Variants in ALDH8A1 observed in about 807,000 individuals in gnomAD.
The protein encoded by ALDH8A1 is 2-aminomuconic semialdehyde dehydrogenase.
Under a neutral mutation model 43.3 loss-of-function variants are expected in ALDH8A1, and 39 were observed. The observed-to-expected ratio is 0.90, with a 90% CI of 0.70 to 1.18. The LOEUF (loss-of-function observed/expected upper bound fraction) is 1.18, where lower values mean the gene tolerates loss of function less well. ALDH8A1 is among the 50% of genes most tolerant of loss of function. The probability of loss-of-function intolerance (pLI) is 0.00; values close to 1 mark genes in which losing one functional copy is unlikely to be tolerated. For missense variants in ALDH8A1, 605 were observed against 622.6 expected (o/e 0.97, Z 0.30); for synonymous variants, 233 against 243.5 (o/e 0.96, Z 0.40).
chr6:134,932,863 C>A lies in ALDH8A1; in HGVS notation c.762G>T (p.Leu254=). 6.2e-7 allele frequency: 1 copy of A among 1,614,232 alleles called. No individual in the cohort carries two copies. Among genetic ancestry groups the A allele is most frequent in the East Asian group, 2.2e-5 (1 of 44,880 alleles). The part of the protein sequence containing the change: ...APHCKKLSLE[L]GGKNPAIIFE... Reference sequence around the variant, plus strand: ...AGATGATGGCAGGATTCTTGCCCCCCAGCTCCAGGGAGAGCTTTTTGCAGT... The same window carrying A: ...AGATGATGGCAGGATTCTTGCCCCCAAGCTCCAGGGAGAGCTTTTTGCAGT... Residue 254 remains leucine, a synonymous_variant, in exon 5 of 7, where the codon CTG becomes CTT. Transcript: ENST00000265605.
chr6:134,929,841 A>C (rs1020942512), intron 5 of ALDH8A1, among the ~76,000 whole-genome samples: 7 of 152,230 alleles, frequency 4.6e-5, no homozygotes, highest in African/African-American at 1.7e-4. Context: ...TTTAAGCATC[A>C]GAACGATATG....
intron 5 of ALDH8A1, among the ~76,000 whole-genome samples, chr6:134,932,513 A>G (rs1777001539): frequency 6.6e-6 from 1 of 152,190 alleles, no homozygotes; most frequent in African/African-American, 2.4e-5. Flanking sequence ...AGCAACATCA[A>G]TCATTCCACC....
At chr6:134,928,335 A>C (rs563207222) in intron 6 of ALDH8A1, among the ~76,000 whole-genome samples, 2 of 152,288 alleles carry the variant, frequency 1.3e-5, no homozygotes, top group African/African-American at 4.8e-5. Flanking sequence ...ATATAGACAA[A>C]GTGGGAGTGC....
Position 134,939,160 on chromosome 6 carries a change from G to T in ALDH8A1, c.592+106C>A, listed in dbSNP as rs1346176955. 1.3e-5 allele frequency: 20 copies of T among 1,500,404 alleles called. No homozygotes were observed. The East Asian group carries it at 4.6e-4, about 34-fold the overall frequency. 92.9% of individuals were successfully genotyped at this position (1,500,404 alleles called of 1,614,324 possible). ...CCCAGACAAGGATCAGAAAGACAAAGCCCATGATGTCACTGGAATCGATTG... is the reference window on the plus strand; with the variant it reads ...CCCAGACAAGGATCAGAAAGACAAATCCCATGATGTCACTGGAATCGATTG... On this transcript the variant is annotated intron_variant, in intron 4 of 6. Coordinates refer to ENST00000265605, the MANE Select transcript of ALDH8A1 (RefSeq NM_022568.4).
Position 134,918,129 on chromosome 6 carries a change from A to C in ALDH8A1, c.*286T>G, listed in dbSNP as rs557615351. The C allele has an allele frequency of 2.3e-4, 95 of 406,750 alleles. No individual in the cohort carries two copies. Among genetic ancestry groups the C allele is most frequent in the Non-Finnish European group, 3.8e-4 (86 of 228,016 alleles). 25.2% of individuals were successfully genotyped at this position (406,750 alleles called of 1,614,324 possible). A position where few individuals can be genotyped will look rare whatever the true frequency, so the allele number is the denominator to read the frequency against. ...CTGGAGATTCCCAAGAGTTCAATGA[A>C]GATGATGAAAGAAACACTATGAAAA... On this transcript the variant is annotated 3_prime_UTR_variant, in exon 7 of 7. Transcript: ENST00000265605.
At chr6:134,938,201 TC>T (rs762981217) in intron 4 of ALDH8A1, among the ~76,000 whole-genome samples, 11 of 152,018 alleles carry the variant, frequency 7.2e-5, no homozygotes, top group Non-Finnish European at 1.6e-4. Context: ...TGAGTCTGTC[TC>T]CCCCACCCAG....
At chr6:134,925,848 A>C (rs1176879128) in intron 6 of ALDH8A1, among the ~76,000 whole-genome samples, 1 of 152,202 alleles carries the variant, frequency 6.6e-6, no homozygotes, top group Non-Finnish European at 1.5e-5. Context: ...ATCTACTCTC[A>C]GAAGGGGAAG....
intron 1 of ALDH8A1, among the ~76,000 whole-genome samples, chr6:134,946,185 A>G (rs921798781): frequency 6.6e-6 from 1 of 152,212 alleles, no homozygotes; most frequent in Non-Finnish European, 1.5e-5. Context: ...GTAAGGTATA[A>G]AATGATTCTC....
intron 1 of ALDH8A1, among the ~76,000 whole-genome samples, chr6:134,947,239 TTAGA>T (rs1773969623): frequency 6.6e-6 from 1 of 152,110 alleles, no homozygotes; most frequent in Middle Eastern, 3.4e-3. Context: ...GATTAAAGAC[TTAGA>T]TAGATGTAAG....
chr6:134,939,826 A>T (rs1773821087), intron 3 of ALDH8A1, among the ~76,000 whole-genome samples: 1 of 152,226 alleles, frequency 6.6e-6, no homozygotes, highest in Admixed American at 6.5e-5. Flanking sequence ...ATCAACTCAA[A>T]TGCTCATCAA....
chr6:134,939,031 C>T (rs183359693), intron 4 of ALDH8A1, among the ~76,000 whole-genome samples: 106 of 152,246 alleles, frequency 7.0e-4, no homozygotes, highest in Non-Finnish European at 1.2e-3. Flanking sequence ...CACTATTGTG[C>T]TGCCAGTCGC....
chr6:134,932,641 A>C, intron 5 of ALDH8A1, 135 bp downstream of exon 5: 2 of 1,268,064 alleles, frequency 1.6e-6, no homozygotes, highest in Non-Finnish European at 2.2e-6. Flanking sequence ...TAAGGGAATC[A>C]CACAATGTAC....
intron 6 of ALDH8A1, among the ~76,000 whole-genome samples, chr6:134,928,707 T>C (rs1776927262): frequency 6.6e-6 from 1 of 152,232 alleles, no homozygotes; most frequent in South Asian, 2.1e-4. Flanking sequence ...GGCAGGCCTT[T>C]TCCAAAGAGA....
intron 6 of ALDH8A1, among the ~76,000 whole-genome samples, chr6:134,927,845 A>G (rs1248241796): frequency 1.3e-5 from 2 of 152,078 alleles, no homozygotes; most frequent in African/African-American, 4.8e-5. Flanking sequence ...AGACATTTGC[A>G]GGTGTGGGCA....
chr6:134,945,804 C>A (rs990373800), intron 1 of ALDH8A1, among the ~76,000 whole-genome samples: 23 of 152,118 alleles, frequency 1.5e-4, no homozygotes, highest in African/African-American at 5.3e-4. Flanking sequence ...TCCTTCATTT[C>A]CCTCATGCAA....
chr6:134,935,074 T>G (rs1773706084), intron 4 of ALDH8A1, among the ~76,000 whole-genome samples: 1 of 152,204 alleles, frequency 6.6e-6, no homozygotes, highest in Admixed American at 6.5e-5. Flanking sequence ...TCCAAGTACT[T>G]GTTCTCCGCT....
intron 6 of ALDH8A1, among the ~76,000 whole-genome samples, chr6:134,919,952 G>A: frequency 6.6e-6 from 1 of 152,180 alleles, no homozygotes; most frequent in East Asian, 1.9e-4. Context: ...TCTGTCACCT[G>A]GGCTGCAATG....
At chr6:134,931,333 G>C (rs1048641957) in intron 5 of ALDH8A1, among the ~76,000 whole-genome samples, 1 of 151,976 alleles carries the variant, frequency 6.6e-6, no homozygotes, top group Non-Finnish European at 1.5e-5. Context: ...GTGCTAACTC[G>C]GCACACTGCA....
intron 4 of ALDH8A1, among the ~76,000 whole-genome samples, chr6:134,936,392 A>G (rs1432834493): frequency 6.6e-6 from 1 of 152,202 alleles, no homozygotes; most frequent in African/African-American, 2.4e-5. Flanking sequence ...GGGTTGGGGC[A>G]AAGGAAAGTG....
Sources: gnomAD v4.1 joint callset for allele counts (sites outside exome capture counted in the v4.1 genomes callset) on GRCh38, gnomAD v4.1.1 for gene constraint, MANE v1.5 for transcripts, NCBI Gene and HGNC (gene_info 2026-07-23, HGNC 2026-07-21) for gene names.